EPB41L4A: variants seen among roughly 807,000 people sequenced by gnomAD.
EPB41L4A encodes erythrocyte membrane protein band 4.1 like 4A, also known as band 4.1-like protein 4A.
Under a neutral mutation model 108.6 loss-of-function variants are expected in EPB41L4A, and 100 were observed. The ratio of observed to expected loss-of-function variants is 0.92; its 90% CI spans 0.78 to 1.09. The LOEUF is 1.09. EPB41L4A is among the 50% of genes least tolerant of loss of function. EPB41L4A has a pLI of 0.00. For synonymous variants in EPB41L4A, 319 were observed against 289.0 expected, an observed-to-expected ratio of 1.10 and a Z score of -1.05; for missense variants, 1,030 against 842.7, an observed-to-expected ratio of 1.22 and a Z score of -2.75.
chr5:112,300,740 T>C (rs1226101550), intron 2 of EPB41L4A, among the ~76,000 whole-genome samples: 2 of 152,188 alleles, frequency 1.3e-5, no homozygotes, highest in Non-Finnish European at 2.9e-5. Context: ...AAATATGTTT[T>C]CCAAACTTTT....
intron 22 of EPB41L4A, 125 bp downstream of exon 22, chr5:112,168,614 A>C (rs935085472): frequency 4.4e-6 from 3 of 684,090 alleles, no homozygotes; most frequent in African/African-American, 3.6e-5. Flanking sequence ...TAAAATACAG[A>C]ATCTCAGAAT....
intron 1 of EPB41L4A, among the ~76,000 whole-genome samples, chr5:112,339,500 A>ATCTATATC (rs1383083339): frequency 2.3e-5 from 1 of 43,226 alleles, no homozygotes. Context: ...ATATATCTAT[A>ATCTATATC]TATATATATA....
chr5:112,394,680 G>A (rs922631000), intron 1 of EPB41L4A, among the ~76,000 whole-genome samples: 2 of 152,178 alleles, frequency 1.3e-5, no homozygotes, highest in African/African-American at 4.8e-5. Context: ...GTAATTTGTA[G>A]ATTCAATGCC....
At chr5:112,354,398 A>AATAAACAACCTGGAACAG (rs892137997) in intron 1 of EPB41L4A, among the ~76,000 whole-genome samples, 5 of 152,086 alleles carry the variant, frequency 3.3e-5, no homozygotes, top group Non-Finnish European at 7.4e-5. Flanking sequence ...ATAAAGGGAA[A>AATAAACAACCTGGAACAG]ATAAACAACC....
intron 4 of EPB41L4A, among the ~76,000 whole-genome samples, chr5:112,272,496 G>T (rs940921672): frequency 1.3e-5 from 2 of 151,660 alleles, no homozygotes; most frequent in Non-Finnish European, 2.9e-5. Context: ...AGTTAATTAT[G>T]GAATACAATG....
At chr5:112,218,772 C>T (rs188086251) in intron 12 of EPB41L4A, among the ~76,000 whole-genome samples, 2 of 152,274 alleles carry the variant, frequency 1.3e-5, no homozygotes. Flanking sequence ...CGTTTGAGCT[C>T]ATCTCAAGGA....
intron 9 of EPB41L4A, among the ~76,000 whole-genome samples, chr5:112,248,770 C>A (rs1750421465): frequency 6.6e-6 from 1 of 152,138 alleles, no homozygotes; most frequent in South Asian, 2.1e-4. Flanking sequence ...ACTGGGATTA[C>A]TGACAGGATC....
chr5:112,296,208 CTT>C (rs1391876536), intron 2 of EPB41L4A, among the ~76,000 whole-genome samples: 25 of 152,052 alleles, frequency 1.6e-4, no homozygotes, highest in East Asian at 1.2e-3. Context: ...CATTGGCAAA[CTT>C]ATGTTAAAAT....
intron 13 of EPB41L4A, among the ~76,000 whole-genome samples, chr5:112,209,628 T>C (rs1762633662): frequency 6.6e-6 from 1 of 152,252 alleles, no homozygotes. Context: ...TTTTTAATTT[T>C]CTGCGGAGAA....
intron 17 of EPB41L4A, among the ~76,000 whole-genome samples, chr5:112,186,897 AC>A (rs1332663510): frequency 3.9e-5 from 6 of 152,226 alleles, no homozygotes; most frequent in African/African-American, 1.4e-4. Context: ...GGCAGGAGTA[AC>A]TATTTTGTTT....
chr5:112,249,526 T>G (rs530140991), intron 9 of EPB41L4A: 2 of 152,308 alleles, frequency 1.3e-5, no homozygotes, highest in East Asian at 3.9e-4. Context: ...ACTATGTTAG[T>G]ACACATGATA....
chr5:112,190,986 G>A (rs912860738), intron 17 of EPB41L4A, among the ~76,000 whole-genome samples: 1 of 152,130 alleles, frequency 6.6e-6, no homozygotes, highest in African/African-American at 2.4e-5. Context: ...TGGAGAGGGA[G>A]ATGAGGATGT....
rs554258014 is a variant in EPB41L4A, at chr5:112,410,825, A to C, written c.99+8116T>G. Among the ~76,000 whole-genome samples, 198 of 152,288 alleles carry C rather than the reference A, an allele frequency of 1.3e-3. 1 individual carries two copies. The highest frequency in any genetic ancestry group is 2.2e-3 in the Non-Finnish European group (148 of 68,030). ...GGAGAAAGCCTTTCTCCTAGAAAAG[A>C]CTGTCTCTATTACTATCCTACATAT... On this transcript the variant is annotated intron_variant, in intron 1 of 22. Transcript: ENST00000261486.
intron 12 of EPB41L4A, among the ~76,000 whole-genome samples, chr5:112,223,224 G>A (rs966824085): frequency 6.6e-6 from 1 of 152,076 alleles, no homozygotes; most frequent in Non-Finnish European, 1.5e-5. Flanking sequence ...ACAGGATTGA[G>A]CCACCGTGCC....
intron 1 of EPB41L4A, among the ~76,000 whole-genome samples, chr5:112,309,976 G>A (rs1303925374): frequency 1.3e-5 from 2 of 152,156 alleles, no homozygotes; most frequent in African/African-American, 2.4e-5. Flanking sequence ...CAGCCAACAA[G>A]GGTTTGGAAG....
At chr5:112,415,000 T>C (rs777824771) in intron 1 of EPB41L4A, among the ~76,000 whole-genome samples, 35 of 152,248 alleles carry the variant, frequency 2.3e-4, no homozygotes, top group Non-Finnish European at 1.9e-4. Context: ...CTTAAGTAGC[T>C]GATACCAAAA....
At chr5:112,364,181 C>G (rs1281296137) in intron 1 of EPB41L4A, among the ~76,000 whole-genome samples, 1 of 152,188 alleles carries the variant, frequency 6.6e-6, no homozygotes, top group African/African-American at 2.4e-5. Flanking sequence ...CACCCGCCAT[C>G]ATGCCAGGCA....
chr5:112,395,789 T>C (rs187863380), intron 1 of EPB41L4A, among the ~76,000 whole-genome samples: 1 of 152,362 alleles, frequency 6.6e-6, no homozygotes, highest in Admixed American at 6.5e-5. Flanking sequence ...TGAAGACTTA[T>C]GCACACTTAT....
chr5:112,262,786 C>T (rs1466505878), intron 6 of EPB41L4A, among the ~76,000 whole-genome samples: 1 of 152,166 alleles, frequency 6.6e-6, no homozygotes, highest in Non-Finnish European at 1.5e-5. Flanking sequence ...ATTTCATTTA[C>T]CAAATCCATT....
Sources: gnomAD v4.1 joint callset for allele counts (sites outside exome capture counted in the v4.1 genomes callset) on GRCh38, gnomAD v4.1.1 for gene constraint, MANE v1.5 for transcripts, NCBI Gene and HGNC (gene_info 2026-07-23, HGNC 2026-07-21) for gene names.